The following UMAD1 variants were observed in gnomAD, a reference collection of about 807,000 sequenced individuals.
The protein encoded by UMAD1 is UBAP1-MVB12-associated (UMA)-domain containing protein 1.
In UMAD1, 8 loss-of-function variants were observed where a neutral mutation model predicts 6.1. The ratio of observed to expected loss-of-function variants is 1.30; its 90% confidence interval spans 0.76 to 2.35. UMAD1 has a LOEUF of 2.35. Among genes scored for constraint, UMAD1 ranks in the 30% most tolerant of loss-of-function variants. The pLI, the probability that UMAD1 is intolerant of heterozygous loss-of-function variation, is 0.00. For missense variants in UMAD1, 130 were observed against 78.4 expected, an observed-to-expected ratio of 1.66 and a Z score of -2.49; for synonymous variants, 56 against 31.4, an observed-to-expected ratio of 1.78 and a Z score of -2.61.
intron 1 of UMAD1, among the ~76,000 whole-genome samples, chr7:7,646,987 C>T (rs556606429): frequency 1.3e-5 from 2 of 152,182 alleles, no homozygotes; most frequent in African/African-American, 4.8e-5. Context: ...CCAGGGACCC[C>T]ACCCTTCTGC....
chr7:7,859,801 C>A (rs1021918521), intron 3 of UMAD1, among the ~76,000 whole-genome samples: 14 of 152,142 alleles, frequency 9.2e-5, no homozygotes. Context: ...AAAAGATGAC[C>A]TTAAGAATTG....
At chr7:7,688,546 G>T (rs1780093420) in intron 2 of UMAD1, among the ~76,000 whole-genome samples, 1 of 152,164 alleles carries the variant, frequency 6.6e-6, no homozygotes, top group African/African-American at 2.4e-5. Flanking sequence ...GTCGTGTTCA[G>T]TGTCAAGATC....
At chr7:7,730,466 C>T (rs962878946) in intron 2 of UMAD1, among the ~76,000 whole-genome samples, 14 of 152,062 alleles carry the variant, frequency 9.2e-5, no homozygotes, top group Middle Eastern at 3.4e-3. Context: ...TTGATCTTGT[C>T]TCATCCAGTT....
intron 2 of UMAD1, among the ~76,000 whole-genome samples, chr7:7,788,582 A>G (rs959788201): frequency 6.6e-6 from 1 of 152,188 alleles, no homozygotes; most frequent in African/African-American, 2.4e-5. Flanking sequence ...ATCTACCAGT[A>G]GCAGGCTCTC....
At chr7:7,770,956 G>C (rs893429200) in intron 2 of UMAD1, among the ~76,000 whole-genome samples, 7 of 152,062 alleles carry the variant, frequency 4.6e-5, no homozygotes, top group African/African-American at 1.7e-4. Context: ...GGTGTATCTT[G>C]AGTTAGTCTT....
intron 2 of UMAD1, among the ~76,000 whole-genome samples, chr7:7,724,392 T>A (rs899480406): frequency 2.0e-5 from 3 of 152,162 alleles, no homozygotes; most frequent in African/African-American, 7.2e-5. Flanking sequence ...GAATGCATAA[T>A]TGGCATAGAC....
intron 3 of UMAD1, among the ~76,000 whole-genome samples, chr7:7,864,792 A>T (rs1482386280): frequency 6.6e-6 from 1 of 152,194 alleles, no homozygotes; most frequent in East Asian, 1.9e-4. Context: ...ACCATTTGCC[A>T]GAGGAACCAA....
At chr7:7,739,341 T>G (rs1781417807) in intron 2 of UMAD1, among the ~76,000 whole-genome samples, 1 of 152,208 alleles carries the variant, frequency 6.6e-6, no homozygotes, top group Non-Finnish European at 1.5e-5. Context: ...TTTTAGTAAG[T>G]TACTGTAGCC....
chr7:7,710,755 T>G (rs1484357465), intron 2 of UMAD1, among the ~76,000 whole-genome samples: 1 of 152,216 alleles, frequency 6.6e-6, no homozygotes, highest in Non-Finnish European at 1.5e-5. Context: ...TTATAGCAAT[T>G]TTATTCATAA....
intron 3 of UMAD1, among the ~76,000 whole-genome samples, chr7:7,848,495 C>T (rs1487921479): frequency 6.6e-6 from 1 of 152,100 alleles, no homozygotes. Flanking sequence ...AAAGATAGTA[C>T]TTCCACCAAG....
rs1272777831 is a variant in UMAD1 at position 7,854,040 on chromosome 7, C to A, written c.157-23241C>A. On this transcript the variant is annotated intron_variant, in intron 3 of 3. Coordinates refer to ENST00000682710, the MANE Select transcript of UMAD1 (RefSeq NM_001302348.2). ...TTCTCACGTTGCCATAAGGAAATAC[C>A]TGAGATTGGACAATTTATAAAGAAA... Among the ~76,000 whole-genome samples, 4 of 152,134 alleles carry A rather than the reference C, an allele frequency of 2.6e-5. No individual in the cohort carries two copies. In the South Asian group the frequency reaches 6.2e-4, roughly 24 times the overall value.
At chr7:7,811,702 G>A (rs969147737) in intron 3 of UMAD1, among the ~76,000 whole-genome samples, 1 of 152,176 alleles carries the variant, frequency 6.6e-6, no homozygotes, top group African/African-American at 2.4e-5. Flanking sequence ...AGGGAGATGC[G>A]AATCTGCTGC....
chr7:7,668,959 C>T (rs1779537590), intron 1 of UMAD1, among the ~76,000 whole-genome samples: 1 of 152,110 alleles, frequency 6.6e-6, no homozygotes, highest in African/African-American at 2.4e-5. Context: ...CATGCCAGTC[C>T]ACCTAATGGA....
At chr7:7,774,442 C>G (rs995776600) in intron 2 of UMAD1, among the ~76,000 whole-genome samples, 1 of 152,122 alleles carries the variant, frequency 6.6e-6, no homozygotes, top group Non-Finnish European at 1.5e-5. Context: ...CCCTCACTTT[C>G]TGTTTCTTCA....
At chr7:7,650,960 C>T (rs924234414) in intron 1 of UMAD1, among the ~76,000 whole-genome samples, 2 of 152,096 alleles carry the variant, frequency 1.3e-5, no homozygotes, top group African/African-American at 4.8e-5. Context: ...ACTCAGGAAC[C>T]AGCAGAATCC....
intron 2 of UMAD1, among the ~76,000 whole-genome samples, chr7:7,674,196 T>C (rs1273287774): frequency 6.6e-6 from 1 of 152,188 alleles, no homozygotes; most frequent in Non-Finnish European, 1.5e-5. Flanking sequence ...CTACTCCTTC[T>C]CTGAGAAGAT....
Position 7,877,353 on chromosome 7 carries a change from G to A in UMAD1, c.229G>A (p.Glu77Lys). 1.4e-6 allele frequency: 1 copy of A among 717,536 alleles called. No homozygotes were observed. The highest frequency in any genetic ancestry group is 2.7e-5 in the East Asian group (1 of 37,292). The allele number at this position is 717,536 out of a possible 1,614,324, so 44.4% of individuals were successfully genotyped here. Reference protein sequence around the residue: ...EMENKAGQTLENSSLMAELLS... With the variant: ...EMENKAGQTLKNSSLMAELLS... ...GGAAAATAAGGCAGGCCAGACTCTG[G>A]AGAACAGCTCATTAATGGCCGAGCT... Residue 77 changes from glutamate (E) to lysine (K), a missense_variant, in exon 4 of 4, where the codon GAG (glutamate) becomes AAG (lysine). Physicochemically the swap from Glu to Lys is moderately conservative, Grantham distance 56. Coordinates refer to ENST00000682710, the MANE Select transcript of UMAD1 (RefSeq NM_001302348.2).
At chr7:7,747,265 T>C (rs1223598844) in intron 2 of UMAD1, among the ~76,000 whole-genome samples, 2 of 152,174 alleles carry the variant, frequency 1.3e-5, no homozygotes, top group African/African-American at 4.8e-5. Flanking sequence ...TACAGTTAAG[T>C]ATATTTAATT....
chr7:7,831,338 T>A (rs1172970942), intron 3 of UMAD1, among the ~76,000 whole-genome samples: 1 of 152,246 alleles, frequency 6.6e-6, no homozygotes, highest in African/African-American at 2.4e-5. Context: ...ATGCATCATA[T>A]CAATTCTCTG....
Sources: gnomAD v4.1 joint callset for allele counts (sites outside exome capture counted in the v4.1 genomes callset) on GRCh38, gnomAD v4.1.1 for gene constraint, MANE v1.5 for transcripts, NCBI Gene and HGNC (gene_info 2026-07-23, HGNC 2026-07-21) for gene names.